Variants in AASDH observed in about 807,000 individuals in gnomAD.
AASDH encodes aminoadipate-semialdehyde dehydrogenase, also known as beta-alanine-activating enzyme.
AASDH carries 81 observed loss-of-function variants against 102.3 expected under a neutral mutation model. The ratio of observed to expected loss-of-function variants is 0.79; its 90% CI spans 0.66 to 0.95. The LOEUF is 0.95. Ranked by LOEUF, AASDH falls within the 40% of genes least tolerant of loss-of-function variation. AASDH has a pLI of 0.00. For synonymous variants in AASDH, 398 were observed against 454.0 expected (o/e 0.88, Z 1.57); for missense variants, 1,203 against 1,266.2 (o/e 0.95, Z 0.76).
intron 5 of AASDH, chr4:56,356,938 A>G (rs576959831): frequency 1.1e-5 from 7 of 663,748 alleles, no homozygotes; most frequent in East Asian, 5.7e-5. Flanking sequence ...TTAAATGTAC[A>G]CTGCTGAGTT....
intron 2 of AASDH, 79 bp downstream of exon 2, chr4:56,383,988 GAAC>G (rs1488806157): frequency 2.5e-6 from 3 of 1,221,906 alleles, no homozygotes; most frequent in Non-Finnish European, 3.5e-6. Context: ...ATAGTAAACA[GAAC>G]AATAACTTGC....
At chr4:56,353,841 G>A (rs1414486939) in intron 8 of AASDH, among the ~76,000 whole-genome samples, 198 bp downstream of exon 8, 2 of 152,074 alleles carry the variant, frequency 1.3e-5, no homozygotes, top group East Asian at 3.8e-4. Context: ...AATCTAATTT[G>A]TCACTTATTT....
At chr4:56,360,656 T>C (rs1312912528) in intron 5 of AASDH, among the ~76,000 whole-genome samples, 1 of 152,232 alleles carries the variant, frequency 6.6e-6, no homozygotes, top group African/African-American at 2.4e-5. Context: ...TAGTTGCTTT[T>C]TTGGGGAAGA....
chr4:56,347,958 C>G (rs138291589), intron 11 of AASDH, among the ~76,000 whole-genome samples: 3,120 of 152,040 alleles, frequency 0.021, 48 homozygotes, highest in South Asian at 0.046. Flanking sequence ...CAATACCAGC[C>G]TGACCAACAT....
chr4:56,352,496 C>T (rs1158185627), intron 9 of AASDH, among the ~76,000 whole-genome samples: 2 of 152,110 alleles, frequency 1.3e-5, no homozygotes, highest in East Asian at 1.9e-4. Context: ...TGGGTTCAAG[C>T]GATCCTCCCA....
chr4:56,371,380 C>CA, intron 5 of AASDH, 71 bp downstream of exon 5: 1 of 1,453,344 alleles, frequency 6.9e-7, no homozygotes, highest in Non-Finnish European at 9.3e-7. Context: ...TACAGGAATA[C>CA]AAAATATTCT....
At chr4:56,348,430 T>C (rs894503307) in intron 11 of AASDH, among the ~76,000 whole-genome samples, 2 of 152,078 alleles carry the variant, frequency 1.3e-5, no homozygotes, top group Admixed American at 1.3e-4. Context: ...AATGTTTGTA[T>C]TTTTTGTAGT....
At chr4:56,340,459 T>C (rs1311938237) in intron 14 of AASDH, among the ~76,000 whole-genome samples, 1 of 152,050 alleles carries the variant, frequency 6.6e-6, no homozygotes, top group East Asian at 1.9e-4. Context: ...GCTGGGAAAA[T>C]TGGAGCTCTC....
In AASDH at chr4:56,378,242, A is replaced by C; in HGVS notation, c.574T>G (p.Leu192Val). ...EHMDLRLKHC[L>V]AYVLHTSGTT... ...CCTGATGTATGTAGAACATAGGCTA[A>C]GCAATGCTTTAGCCTCAGATCCATG... The change falls in exon 4 of 15, where the codon TTA (leucine) becomes GTA (valine). Residue 192 changes from leucine (L) to valine (V), a missense_variant. By Grantham distance (32) the Leu-to-Val change is conservative. Transcript: ENST00000205214. The C allele has an allele frequency of 6.2e-7, 1 of 1,614,238 alleles. No individual in the cohort carries two copies. Among genetic ancestry groups the C allele is most frequent in the Non-Finnish European group, 8.5e-7 (1 of 1,180,044 alleles).
chr4:56,379,222 C>T (rs571508189), intron 3 of AASDH, among the ~76,000 whole-genome samples: 1 of 152,142 alleles, frequency 6.6e-6, no homozygotes, highest in East Asian at 1.9e-4. Context: ...CAACCTCGAA[C>T]AGCTGGGCTC....
intron 5 of AASDH, chr4:56,356,937 C>T (rs893319940): frequency 2.9e-4 from 209 of 723,486 alleles, no homozygotes; most frequent in Admixed American, 1.1e-3. Context: ...GTTAAATGTA[C>T]ACTGCTGAGT....
intron 5 of AASDH, among the ~76,000 whole-genome samples, chr4:56,359,003 A>G (rs79366727): frequency 0.021 from 3,139 of 152,296 alleles, 48 homozygotes; most frequent in South Asian, 0.047. Context: ...ATATACATGT[A>G]TAACTGTTAC....
chr4:56,345,524 TAC>T (rs544385942), intron 11 of AASDH, among the ~76,000 whole-genome samples: 34 of 152,238 alleles, frequency 2.2e-4, no homozygotes, highest in Middle Eastern at 3.2e-3. Flanking sequence ...CTAATTTTTT[TAC>T]ATACTTATTT....
chr4:56,347,603 T>C (rs1005200007), intron 11 of AASDH, among the ~76,000 whole-genome samples: 3 of 152,128 alleles, frequency 2.0e-5, no homozygotes, highest in African/African-American at 4.8e-5. Context: ...TGAGCACTTA[T>C]GAAAAAATGC....
At chr4:56,356,229 A>G in intron 5 of AASDH, 1 of 781,230 alleles carries the variant, frequency 1.3e-6, no homozygotes, top group Non-Finnish European at 2.3e-6. Flanking sequence ...CCCCTGTTTG[A>G]GAAAAGGCCT....
rs1752608216 is a variant in AASDH at position 56,378,482 on chromosome 4, CAA to C, written c.352-20_352-19del. 1 of 1,548,904 alleles carries C rather than the reference CAA, an allele frequency of 6.5e-7. No homozygotes were observed. The highest frequency in any genetic ancestry group is 1.4e-5 in the African/African-American group (1 of 72,370). ...TTAAATTTCTGTGTGAAATGGGGGACAAAGTTTACAGTATTAGTATGTTAAAA... is the reference window on the plus strand; with the variant it reads ...TTAAATTTCTGTGTGAAATGGGGGACAGTTTACAGTATTAGTATGTTAAAA... On this transcript the variant is annotated intron_variant, in intron 3 of 14. Coordinates refer to ENST00000205214, the MANE Select transcript of AASDH (RefSeq NM_181806.4).
chr4:56,338,546 TTCC>T lies in AASDH; in HGVS notation c.3150_3152del (p.Glu1051del). Reference sequence around the variant, plus strand: ...CACTTTGCAATTGTCCACTCTGAGATTCCAAGATCCACACTTTCCCATCAGTAG... The same window carrying T: ...CACTTTGCAATTGTCCACTCTGAGATAAGATCCACACTTTCCCATCAGTAG... On this transcript the variant is annotated inframe_deletion, in exon 15 of 15. Transcript: ENST00000205214. 6.2e-7 allele frequency: 1 copy of T among 1,611,892 alleles called. No homozygotes were observed. Among genetic ancestry groups the T allele is most frequent in the Non-Finnish European group, 8.5e-7 (1 of 1,179,290 alleles).
At chr4:56,344,560 AC>A (rs1034256160) in intron 12 of AASDH, among the ~76,000 whole-genome samples, 1 of 151,946 alleles carries the variant, frequency 6.6e-6, no homozygotes, top group Non-Finnish European at 1.5e-5. Context: ...CACTTTTTTT[AC>A]ATTTATTTCA....
intron 4 of AASDH, among the ~76,000 whole-genome samples, chr4:56,376,597 G>T (rs1262677541): frequency 2.0e-5 from 3 of 151,934 alleles, no homozygotes; most frequent in Non-Finnish European, 4.4e-5. Flanking sequence ...AATACCATAG[G>T]TCCACTGAGC....
Sources: allele counts gnomAD v4.1 joint callset (sites outside exome capture counted in the v4.1 genomes callset), GRCh38; gene constraint gnomAD v4.1.1; transcripts MANE v1.5; gene names NCBI Gene and HGNC (gene_info 2026-07-23, HGNC 2026-07-21).